Variants in NPAS3 observed in about 807,000 individuals in gnomAD.
The protein encoded by NPAS3 is neuronal PAS domain protein 3, also known as neuronal PAS domain-containing protein 3.
NPAS3 carries 14 observed loss-of-function variants against 73.1 expected under a neutral mutation model. The ratio of observed to expected loss-of-function variants is 0.19; its 90% CI spans 0.13 to 0.30. The LOEUF is 0.30. Ranked by LOEUF, NPAS3 falls within the 10% of genes least tolerant of loss-of-function variation. The probability of loss-of-function intolerance (pLI) is 1.00; values close to 1 mark genes in which losing one functional copy is unlikely to be tolerated. For synonymous variants in NPAS3, 620 were observed against 541.5 expected (o/e 1.14, Z -2.01); for missense variants, 1,096 against 1,250.0 (o/e 0.88, Z 1.86).
chr14:33,759,779 A>C (rs1272743454), intron 7 of NPAS3, among the ~76,000 whole-genome samples: 7 of 152,250 alleles, frequency 4.6e-5, no homozygotes, highest in African/African-American at 1.7e-4. Context: ...GTTTTACCAC[A>C]AAATACTTCC....
chr14:33,718,950 G>T (rs1466090905), intron 6 of NPAS3, among the ~76,000 whole-genome samples: 4 of 151,970 alleles, frequency 2.6e-5, no homozygotes, highest in Admixed American at 2.6e-4. Flanking sequence ...AACGTAGCAA[G>T]ACCCCATCTC....
At chr14:33,668,842 A>G (rs1363280381) in intron 5 of NPAS3, among the ~76,000 whole-genome samples, 2 of 152,170 alleles carry the variant, frequency 1.3e-5, no homozygotes, top group Non-Finnish European at 2.9e-5. Context: ...ATGGCTGTTT[A>G]GAATCAGGGA....
chr14:33,025,426 C>A (rs540631527), intron 1 of NPAS3, among the ~76,000 whole-genome samples: 207 of 152,180 alleles, frequency 1.4e-3, no homozygotes, highest in Non-Finnish European at 2.4e-3. Flanking sequence ...TTCTGCCTAA[C>A]CTGACCTACT....
intron 2 of NPAS3, among the ~76,000 whole-genome samples, chr14:33,197,279 T>C (rs1259170628): frequency 2.2e-5 from 2 of 89,448 alleles, no homozygotes; most frequent in Admixed American, 9.8e-5. Context: ...TCTTTTTCAA[T>C]TGAGATCCAC....
intron 3 of NPAS3, among the ~76,000 whole-genome samples, chr14:33,274,315 C>T (rs1220950211): frequency 3.3e-5 from 5 of 152,160 alleles, no homozygotes; most frequent in Admixed American, 3.3e-4. Context: ...TGTAAGGAGG[C>T]AGCATTAGGC....
intron 3 of NPAS3, among the ~76,000 whole-genome samples, chr14:33,301,906 TC>T (rs1438915218): frequency 1.3e-5 from 2 of 152,192 alleles, no homozygotes; most frequent in Non-Finnish European, 2.9e-5. Context: ...AATATGTTTT[TC>T]GTATAATATA....
Position 33,207,311 on chromosome 14 carries a change from C to T in NPAS3, c.141-7871C>T, listed in dbSNP as rs541603975. Among the ~76,000 whole-genome samples, 29 of 151,268 alleles carry T rather than the reference C, an allele frequency of 1.9e-4. No homozygotes were observed. The South Asian group carries it at 2.1e-3, about 11-fold the overall frequency. ...CACACAGTTGTGGCTATTCACAAAT[C>T]GCATGCAGTTGCCTAATGAGTCCAT... On this transcript the variant is annotated intron_variant, in intron 2 of 11. Coordinates refer to ENST00000356141, the Ensembl canonical transcript of NPAS3.
chr14:33,214,540 T>G (rs12586992), intron 2 of NPAS3: 74,384 of 152,010 alleles, frequency 0.49, 19,584 homozygotes, highest in Non-Finnish European at 0.58. Context: ...CATTAATAAA[T>G]AAGTATGCTC....
At chr14:33,278,718 C>CA (rs2041451446) in intron 3 of NPAS3, among the ~76,000 whole-genome samples, 1 of 151,696 alleles carries the variant, frequency 6.6e-6, no homozygotes, top group South Asian at 2.1e-4. Flanking sequence ...GCATGACTGA[C>CA]AAAAAAAGGA....
chr14:33,544,805 T>TA (rs1239904114), intron 4 of NPAS3, among the ~76,000 whole-genome samples: 14 of 79,130 alleles, frequency 1.8e-4, no homozygotes, highest in African/African-American at 8.2e-4. Context: ...TATATATATA[T>TA]ATATATGTAT....
intron 4 of NPAS3, among the ~76,000 whole-genome samples, chr14:33,415,603 A>G (rs2138960560): frequency 6.6e-6 from 1 of 152,270 alleles, no homozygotes; most frequent in East Asian, 1.9e-4. Context: ...GACACAGACT[A>G]CAGCATCCCA....
chr14:33,596,288 C>T (rs2057240443), intron 5 of NPAS3, among the ~76,000 whole-genome samples: 1 of 152,212 alleles, frequency 6.6e-6, no homozygotes, highest in South Asian at 2.1e-4. Flanking sequence ...ATATAGTTAG[C>T]ATCCAGAGGT....
intron 5 of NPAS3, among the ~76,000 whole-genome samples, chr14:33,595,211 T>C (rs993977586): frequency 6.6e-6 from 1 of 152,210 alleles, no homozygotes; most frequent in African/African-American, 2.4e-5. Context: ...AATCTTTTAT[T>C]GTAAAATATA....
chr14:33,711,550 A>G (rs2060819318), intron 6 of NPAS3, among the ~76,000 whole-genome samples: 1 of 152,238 alleles, frequency 6.6e-6, no homozygotes, highest in Non-Finnish European at 1.5e-5. Flanking sequence ...TTGATGGAGA[A>G]AAATGTTTTC....
chr14:33,629,186 G>T (rs1338479455), intron 5 of NPAS3, among the ~76,000 whole-genome samples: 1 of 149,662 alleles, frequency 6.7e-6, no homozygotes, highest in African/African-American at 2.5e-5. Flanking sequence ...AGTGAGGGGA[G>T]ATTGCGCCAC....
chr14:33,367,318 C>T, intron 4 of NPAS3, 50 bp downstream of exon 4: 1 of 784,080 alleles, frequency 1.3e-6, no homozygotes, highest in Non-Finnish European at 2.2e-6. Flanking sequence ...AAGAAAAAAC[C>T]ATATGTTTAG....
At chr14:33,576,936 G>A (rs1369907626) in intron 5 of NPAS3, among the ~76,000 whole-genome samples, 1 of 152,116 alleles carries the variant, frequency 6.6e-6, no homozygotes, top group Admixed American at 6.5e-5. Context: ...AGAGATTTGG[G>A]AATGAATGGC....
chr14:33,616,773 T>C (rs1365297708), intron 5 of NPAS3, among the ~76,000 whole-genome samples: 1 of 152,224 alleles, frequency 6.6e-6, no homozygotes, highest in East Asian at 1.9e-4. Flanking sequence ...CTACCTCTAA[T>C]AAGCGAATTA....
intron 2 of NPAS3, among the ~76,000 whole-genome samples, chr14:33,108,897 G>A (rs969112): frequency 0.7 from 106,675 of 151,910 alleles, 37,565 homozygotes; most frequent in Admixed American, 0.75. Flanking sequence ...TATAAAGTGC[G>A]TTTGTCATAT....
Sources: gnomAD v4.1 joint callset for allele counts (sites outside exome capture counted in the v4.1 genomes callset) on GRCh38, gnomAD v4.1.1 for gene constraint, MANE v1.5 for transcripts, NCBI Gene and HGNC (gene_info 2026-07-23, HGNC 2026-07-21) for gene names.